The following ACCSL variants were observed in gnomAD, a reference collection of about 807,000 sequenced individuals.
ACCSL encodes the protein probable inactive 1-aminocyclopropane-1-carboxylate synthase-like protein 2.
A neutral mutation model predicts 61.7 loss-of-function variants in ACCSL; 55 were observed. That is an observed-to-expected ratio of 0.89 (90% CI 0.72 to 1.12). The LOEUF is 1.12. ACCSL is among the 50% of genes most tolerant of loss of function. ACCSL has a pLI of 0.00. For synonymous variants in ACCSL, 258 were observed against 264.3 expected (o/e 0.98, Z 0.23); for missense variants, 632 against 698.0 (o/e 0.91, Z 1.07).
chr11:44,000,370 T>C, the ACCSL span, among the ~76,000 whole-genome samples: 66,615 of 151,482 alleles, frequency 0.44, 15,256 homozygotes, highest in Middle Eastern at 0.56. Context: ...GGTGATCCCC[T>C]GCCTCTGCCT....
the ACCSL span, among the ~76,000 whole-genome samples, chr11:43,953,794 C>A: frequency 6.6e-6 from 1 of 152,154 alleles, no homozygotes; most frequent in Admixed American, 6.5e-5. Flanking sequence ...CTAATTCACC[C>A]CTTGTTTAGC....
At chr11:44,025,988 C>T in the ACCSL span, among the ~76,000 whole-genome samples, 1 of 152,100 alleles carries the variant, frequency 6.6e-6, no homozygotes, top group Admixed American at 6.5e-5. Flanking sequence ...GTCTTTTAAC[C>T]ATTTGACTAG....
the ACCSL span, chr11:43,942,471 C>T: frequency 1.4e-5 from 3 of 212,376 alleles, no homozygotes; most frequent in East Asian, 1.8e-4. Flanking sequence ...TGGCGGGGGG[C>T]GGGCGGCGCC....
the ACCSL span, among the ~76,000 whole-genome samples, chr11:44,014,624 G>A: frequency 6.6e-6 from 1 of 152,314 alleles, no homozygotes; most frequent in East Asian, 1.9e-4. Flanking sequence ...CACAGTGTGG[G>A]AGGGGCCTGC....
the ACCSL span, among the ~76,000 whole-genome samples, chr11:43,934,015 C>T: frequency 6.6e-6 from 1 of 152,184 alleles, no homozygotes; most frequent in East Asian, 1.9e-4. Flanking sequence ...GCACTGGAAA[C>T]TGATGGACCG....
chr11:44,050,470 A>G lies in ACCSL; in HGVS notation c.565-82A>G, dbSNP rs1590429094. ...AGGAGGTCATGTATGTGGAGGGCAAACACTCATGTACAAACTAGGAGTAGA... is the reference window on the plus strand; with the variant it reads ...AGGAGGTCATGTATGTGGAGGGCAAGCACTCATGTACAAACTAGGAGTAGA... On this transcript the variant is annotated intron_variant, in intron 2 of 13. Transcript: ENST00000378832. The G allele has an allele frequency of 1.8e-5, 23 of 1,243,896 alleles. No homozygotes were observed. The East Asian group carries it at 5.3e-4, about 29-fold the overall frequency. The allele number at this position is 1,243,896 out of a possible 1,614,324, so 77.1% of individuals were successfully genotyped here.
chr11:43,939,928 C>G, the ACCSL span, among the ~76,000 whole-genome samples: 3 of 152,154 alleles, frequency 2.0e-5, no homozygotes, highest in South Asian at 6.2e-4. Flanking sequence ...TTGATCCCTC[C>G]CTGACCCACA....
the ACCSL span, among the ~76,000 whole-genome samples, chr11:43,998,171 G>A: frequency 6.6e-6 from 1 of 152,224 alleles, no homozygotes; most frequent in African/African-American, 2.4e-5. Context: ...ATGAGACAAG[G>A]TGTGTAAAGC....
chr11:43,987,932 C>T, the ACCSL span, among the ~76,000 whole-genome samples: 3 of 152,012 alleles, frequency 2.0e-5, no homozygotes, highest in Admixed American at 2.0e-4. Context: ...TTCCCCCACC[C>T]CCCCGCAGGG....
the ACCSL span, among the ~76,000 whole-genome samples, chr11:43,989,008 T>C: frequency 6.6e-6 from 1 of 152,096 alleles, no homozygotes; most frequent in East Asian, 1.9e-4. Flanking sequence ...AGATTGGTCC[T>C]CCCTGGGTTC....
At chr11:44,030,142 C>G in the ACCSL span, among the ~76,000 whole-genome samples, 1 of 133,756 alleles carries the variant, frequency 7.5e-6, no homozygotes, top group Non-Finnish European at 1.5e-5. Flanking sequence ...ACCTGCCTCT[C>G]TCTTCCTGGT....
chr11:43,973,600 G>A, the ACCSL span, among the ~76,000 whole-genome samples: 7 of 152,130 alleles, frequency 4.6e-5, no homozygotes, highest in South Asian at 2.1e-4. Context: ...CTAGGGTAGC[G>A]TAATTTGATT....
chr11:44,029,501 A>G, the ACCSL span, among the ~76,000 whole-genome samples: 1 of 152,190 alleles, frequency 6.6e-6, no homozygotes, highest in African/African-American at 2.4e-5. Context: ...CTCAGTCATT[A>G]TTGCTGAATG....
chr11:44,051,572 C>A, intron 4 of ACCSL, 81 bp from the exon 5 acceptor site: 1 of 1,576,992 alleles, frequency 6.3e-7, no homozygotes, highest in Non-Finnish European at 8.7e-7. Flanking sequence ...CCTGTTCTGC[C>A]CAGGGGGATG....
the ACCSL span, chr11:43,925,432 G>C: frequency 4.4e-6 from 2 of 456,192 alleles, no homozygotes; most frequent in Non-Finnish European, 8.8e-6. Flanking sequence ...GCACCAGCCA[G>C]GTGGCTGGAT....
At chr11:44,021,580 T>C in the ACCSL span, among the ~76,000 whole-genome samples, 13 of 152,244 alleles carry the variant, frequency 8.5e-5, no homozygotes. Context: ...CTGTTTACTC[T>C]GCTGATTATT....
the ACCSL span, among the ~76,000 whole-genome samples, chr11:44,030,807 G>A: frequency 1.3e-5 from 2 of 152,162 alleles, 1 homozygote; most frequent in South Asian, 4.1e-4. Flanking sequence ...AAACTGGCTG[G>A]TCTGGAGGCT....
chr11:43,984,727 C>A, the ACCSL span, among the ~76,000 whole-genome samples: 2 of 152,258 alleles, frequency 1.3e-5, no homozygotes, highest in African/African-American at 4.8e-5. Flanking sequence ...TGCTTCCCCT[C>A]GTAGGACAAT....
At chr11:44,049,982 C>T (rs773335099) in intron 1 of ACCSL, 80 bp from the exon 2 acceptor site, 34 of 1,577,676 alleles carry the variant, frequency 2.2e-5, no homozygotes, top group Non-Finnish European at 2.8e-5. Flanking sequence ...GTGAGATCTC[C>T]ATTTGAACTA....
Sources: gnomAD v4.1 joint callset for allele counts (sites outside exome capture counted in the v4.1 genomes callset) on GRCh38, gnomAD v4.1.1 for gene constraint, MANE v1.5 for transcripts, NCBI Gene and HGNC (gene_info 2026-07-23, HGNC 2026-07-21) for gene names.